The following KAZN variants were observed in gnomAD, a reference collection of about 807,000 sequenced individuals.
KAZN encodes the protein kazrin, periplakin interacting protein.
A neutral mutation model predicts 87.4 loss-of-function variants in KAZN; 40 were observed. The observed-to-expected ratio is 0.46, with a 90% CI of 0.36 to 0.60. KAZN has a LOEUF of 0.60. KAZN is among the 20% of genes least tolerant of loss of function. The pLI is 0.00. For missense variants in KAZN, 898 were observed against 1,073.9 expected (o/e 0.84, Z 2.29); for synonymous variants, 466 against 458.3 (o/e 1.02, Z -0.22).
At chr1:14,722,150 C>CA (rs757534235) in intron 1 of KAZN, among the ~76,000 whole-genome samples, 1,455 of 101,948 alleles carry the variant, frequency 0.014, 16 homozygotes, top group Non-Finnish European at 0.023. Context: ...GACTCTGTCT[C>CA]AAAAAAAAAA....
At chr1:14,235,458 G>C (rs1444674983) in intron 2 of KAZN, among the ~76,000 whole-genome samples, 1 of 152,184 alleles carries the variant, frequency 6.6e-6, no homozygotes, top group Non-Finnish European at 1.5e-5. Context: ...GCGGAGGGGG[G>C]ATGTAGGGAG....
rs138617904 is a variant in KAZN at position 14,850,250 on chromosome 1, A to G, written c.227-110434A>G. ...CGTCCAGCCTATTTATGCTTTTTCTAATGTTGAGAAAGCATGCTTCTGATT... is the reference window on the plus strand; with the variant it reads ...CGTCCAGCCTATTTATGCTTTTTCTGATGTTGAGAAAGCATGCTTCTGATT... On this transcript the variant is annotated intron_variant, in intron 1 of 14. Transcript: ENST00000376030. 1.7e-3 allele frequency among the ~76,000 whole-genome samples: 254 copies of G among 152,220 alleles called. 1 individual carries two copies. Among genetic ancestry groups the G allele is most frequent in the Non-Finnish European group, 2.9e-3 (200 of 68,012 alleles).
At chr1:14,479,911 G>A (rs1244850848) in intron 2 of KAZN, among the ~76,000 whole-genome samples, 1 of 152,228 alleles carries the variant, frequency 6.6e-6, no homozygotes, top group African/African-American at 2.4e-5. Context: ...GTTCAAGATT[G>A]TTGAAGGACA....
At chr1:14,209,399 T>A (rs1401114161) in intron 2 of KAZN, among the ~76,000 whole-genome samples, 1 of 152,184 alleles carries the variant, frequency 6.6e-6, no homozygotes, top group Non-Finnish European at 1.5e-5. Context: ...GGAGATGTTT[T>A]TTTCCAGCAT....
At chr1:14,115,332 C>A (rs1644592217) in intron 1 of KAZN, among the ~76,000 whole-genome samples, 1 of 152,226 alleles carries the variant, frequency 6.6e-6, no homozygotes, top group South Asian at 2.1e-4. Flanking sequence ...TGCCCCCACC[C>A]AAATCTCATC....
chr1:14,665,105 G>A (rs536304333), intron 1 of KAZN, among the ~76,000 whole-genome samples: 34 of 152,128 alleles, frequency 2.2e-4, no homozygotes, highest in African/African-American at 7.7e-4. Flanking sequence ...TCTTTATTCC[G>A]CTGCCCCAAC....
intron 1 of KAZN, among the ~76,000 whole-genome samples, chr1:14,803,616 C>T (rs1242321159): frequency 6.6e-6 from 1 of 152,228 alleles, no homozygotes; most frequent in Non-Finnish European, 1.5e-5. Flanking sequence ...TCCGTCTCTC[C>T]AACAGAAATT....
At chr1:14,295,578 C>T (rs550323149) in intron 2 of KAZN, among the ~76,000 whole-genome samples, 1 of 152,162 alleles carries the variant, frequency 6.6e-6, no homozygotes, top group East Asian at 1.9e-4. Context: ...AAGACACACA[C>T]TTATAGACAC....
intron 2 of KAZN, among the ~76,000 whole-genome samples, chr1:14,249,282 A>T (rs936906672): frequency 1.3e-5 from 2 of 152,134 alleles, no homozygotes; most frequent in African/African-American, 4.8e-5. Flanking sequence ...ATTCGGTAAA[A>T]CTCCAAAACT....
At chr1:14,774,315 A>G (rs1645110358) in intron 1 of KAZN, among the ~76,000 whole-genome samples, 1 of 152,104 alleles carries the variant, frequency 6.6e-6, no homozygotes, top group South Asian at 2.1e-4. Context: ...CCAACCCCAC[A>G]GGCTCATTAG....
rs1298573384 is a variant in KAZN at position 14,923,003 on chromosome 1, G to C, written c.227-37681G>C. On this transcript the variant is annotated intron_variant, in intron 1 of 14. Coordinates refer to ENST00000376030, the MANE Select transcript of KAZN (RefSeq NM_201628.3). This position sits in a 1 kb window ranked among gnomAD's most constrained non-coding sequence, Gnocchi z 4.2. ...CAGGAAACTGCTCCTAAAAGGTTTT[G>C]TAGACTTAAGGGAAAGTAATTAGGT... 1.3e-5 allele frequency among the ~76,000 whole-genome samples: 2 copies of C among 152,192 alleles called. No individual in the cohort carries two copies. The highest frequency in any genetic ancestry group is 3.9e-4 in the East Asian group (2 of 5,184).
intron 1 of KAZN, among the ~76,000 whole-genome samples, chr1:14,139,430 A>G (rs1645183788): frequency 6.6e-6 from 1 of 152,214 alleles, no homozygotes; most frequent in South Asian, 2.1e-4. Flanking sequence ...TCACACGTAT[A>G]GCTTACTAAT....
At chr1:14,130,556 G>C (rs1479377401) in intron 1 of KAZN, among the ~76,000 whole-genome samples, 1 of 148,030 alleles carries the variant, frequency 6.8e-6, no homozygotes, top group Admixed American at 6.9e-5. Context: ...GGAGGGAGGA[G>C]ATCTGTGAGC....
At position 14,079,203 on chromosome 1, in the gene KAZN, G is replaced by T. The variant is rs145766100; in HGVS notation, c.92-101232G>T. On this transcript the variant is annotated intron_variant, in intron 1 of 16. Coordinates refer to the KAZN transcript ENST00000636203. ...AGAGAAGGAACAGACATGTCACATG[G>T]CAAGAGAGGGAGCAAGAGAGAGCAG... Among the ~76,000 whole-genome samples, 1,061 of 152,326 alleles carry T rather than the reference G, an allele frequency of 7.0e-3. 15 individuals are homozygous for T. The highest frequency in any genetic ancestry group is 0.029 in the East Asian group (149 of 5,178).
chr1:14,857,179 A>G (rs965706778), intron 1 of KAZN, among the ~76,000 whole-genome samples: 1 of 152,206 alleles, frequency 6.6e-6, no homozygotes, highest in Admixed American at 6.5e-5. Context: ...ATGGGGTAAC[A>G]ATACTTCTTT....
chr1:14,340,355 C>A (rs994200732), intron 2 of KAZN, among the ~76,000 whole-genome samples: 1 of 152,212 alleles, frequency 6.6e-6, no homozygotes, highest in African/African-American at 2.4e-5. Context: ...CTCTCCAGAT[C>A]TCTGAAAATA....
At chr1:14,506,853 C>T (rs75520776) in intron 2 of KAZN, among the ~76,000 whole-genome samples, 17 of 152,268 alleles carry the variant, frequency 1.1e-4, no homozygotes, top group Admixed American at 3.9e-4. Context: ...GGAAAAGATA[C>T]GGTGGCTACC....
intron 2 of KAZN, among the ~76,000 whole-genome samples, chr1:15,023,744 T>A (rs1166654445): frequency 6.9e-6 from 1 of 145,920 alleles, no homozygotes; most frequent in Non-Finnish European, 1.5e-5. Flanking sequence ...GTTAGGAGAC[T>A]ACCGTGTGAC....
intron 2 of KAZN, among the ~76,000 whole-genome samples, chr1:14,240,290 C>A (rs997019786): frequency 2.6e-5 from 4 of 152,234 alleles, no homozygotes; most frequent in African/African-American, 9.6e-5. Context: ...AGGTCAGCTC[C>A]CTGGTACTTG....
Sources: gnomAD v4.1 joint callset for allele counts (sites outside exome capture counted in the v4.1 genomes callset) on GRCh38, gnomAD v4.1.1 for gene constraint, Gnocchi (gnomAD v3.1) non-coding constraint, MANE v1.5 for transcripts, NCBI Gene and HGNC (gene_info 2026-07-23, HGNC 2026-07-21) for gene names.